Variants in TMEM132D observed in about 807,000 individuals in gnomAD.
The protein encoded by TMEM132D is transmembrane protein 132D.
In TMEM132D, 21 loss-of-function variants were observed where a neutral mutation model predicts 62.3. The ratio of observed to expected loss-of-function variants is 0.34; its 90% confidence interval spans 0.24 to 0.49. The LOEUF (loss-of-function observed/expected upper bound fraction) is 0.49, where lower values mean the gene tolerates loss of function less well. Ranked by LOEUF, TMEM132D falls within the 20% of genes least tolerant of loss-of-function variation. TMEM132D has a pLI of 0.99. For missense variants in TMEM132D, 1,346 were observed against 1,402.8 expected (o/e 0.96, Z 0.65); for synonymous variants, 621 against 575.6 (o/e 1.08, Z -1.13).
chr12:129,325,102 C>A (rs771668766), intron 4 of TMEM132D, among the ~76,000 whole-genome samples: 1 of 152,162 alleles, frequency 6.6e-6, no homozygotes, highest in African/African-American at 2.4e-5. Context: ...CAGTTACAGA[C>A]TTTCAGGCCA....
chr12:129,868,001 G>A (rs1250116070), intron 1 of TMEM132D, among the ~76,000 whole-genome samples: 1 of 152,102 alleles, frequency 6.6e-6, no homozygotes, highest in Non-Finnish European at 1.5e-5. Context: ...ACATGAGGCG[G>A]CGTTTCTATG....
intron 4 of TMEM132D, among the ~76,000 whole-genome samples, chr12:129,265,142 T>A (rs1190672474): frequency 6.6e-6 from 1 of 152,058 alleles, no homozygotes. Flanking sequence ...AGCTGCCAGG[T>A]GGGTCACACA....
rs762347900 is a variant in TMEM132D at position 129,676,291 on chromosome 12, T to TTATC, written c.968+23515_968+23518dup. Among the ~76,000 whole-genome samples the TTATC allele has an allele frequency of 1.2e-3, 181 of 152,346 alleles. 2 individuals carry two copies. The highest frequency in any genetic ancestry group is 4.6e-3 in the Admixed American group (70 of 15,300). The stretch of plus-strand genomic sequence containing the variant: ...TCTGTCAGTCTGTCTGTCTACCTAT[T>TTATC]TATCTATCTATCTATCTAATCTATC... On this transcript the variant is annotated intron_variant, in intron 2 of 8. Coordinates refer to ENST00000422113, the MANE Select transcript of TMEM132D (RefSeq NM_133448.3).
chr12:129,691,614 A>C (rs1367694318), intron 2 of TMEM132D, among the ~76,000 whole-genome samples: 1 of 152,152 alleles, frequency 6.6e-6, no homozygotes, highest in Non-Finnish European at 1.5e-5. Flanking sequence ...TAAGATATTA[A>C]ATTTCAAATG....
chr12:129,337,568 G>C (rs2135657659), intron 4 of TMEM132D, 66 bp downstream of exon 4: 2 of 1,594,844 alleles, frequency 1.3e-6, no homozygotes, highest in South Asian at 1.1e-5. Context: ...CTGGGACTCA[G>C]TGCGGCGCCG....
chr12:129,619,267 T>C (rs1163633118), intron 2 of TMEM132D, among the ~76,000 whole-genome samples: 1 of 152,196 alleles, frequency 6.6e-6, no homozygotes, highest in Admixed American at 6.5e-5. Context: ...CTTCGAATTT[T>C]ATTTTTGGTG....
intron 5 of TMEM132D, among the ~76,000 whole-genome samples, chr12:129,123,399 C>T (rs1021719758): frequency 1.3e-5 from 2 of 151,996 alleles, no homozygotes; most frequent in East Asian, 3.9e-4. Flanking sequence ...TTCTTAGACA[C>T]GTGCCCCCAG....
intron 1 of TMEM132D, among the ~76,000 whole-genome samples, chr12:129,871,348 T>C (rs1874235498): frequency 6.6e-6 from 1 of 151,794 alleles, no homozygotes; most frequent in Admixed American, 6.6e-5. Context: ...TGCCCAAGAG[T>C]GAAATCAACA....
chr12:129,200,694 A>T (rs2054813), intron 5 of TMEM132D, among the ~76,000 whole-genome samples: 31,266 of 152,232 alleles, frequency 0.21, 3,770 homozygotes, highest in East Asian at 0.51. Context: ...GCTGGATTGC[A>T]GAAAGAGAAC....
chr12:129,409,173 T>C lies in TMEM132D; in HGVS notation c.1116-71356A>G, dbSNP rs529004866. On this transcript the variant is annotated intron_variant, in intron 3 of 8. Coordinates refer to ENST00000422113, the MANE Select transcript of TMEM132D (RefSeq NM_133448.3). ...GGCTTGAACTCCTGACCTCAGGTGA[T>C]CCACCTGCCTCAGCCTCCCAAAGTG... Among the ~76,000 whole-genome samples, 1,147 of 152,264 alleles carry C rather than the reference T, an allele frequency of 7.5e-3. 18 individuals are homozygous for C. Among genetic ancestry groups the C allele is most frequent in the African/African-American group, 0.025 (1,039 of 41,554 alleles).
intron 2 of TMEM132D, among the ~76,000 whole-genome samples, chr12:129,689,986 TA>T (rs1450592769): frequency 6.6e-6 from 1 of 152,172 alleles, no homozygotes; most frequent in Non-Finnish European, 1.5e-5. Flanking sequence ...TAAATGACGG[TA>T]AAATAATTTT....
intron 3 of TMEM132D, among the ~76,000 whole-genome samples, chr12:129,506,143 G>T (rs1875322937): frequency 6.6e-6 from 1 of 152,098 alleles, no homozygotes; most frequent in Non-Finnish European, 1.5e-5. Flanking sequence ...CTTTAAAGAG[G>T]TTCTGTTTTG....
At chr12:129,436,742 C>T (rs1872797034) in intron 3 of TMEM132D, among the ~76,000 whole-genome samples, 1 of 151,966 alleles carries the variant, frequency 6.6e-6, no homozygotes, top group African/African-American at 2.4e-5. Context: ...TATAGAAAAC[C>T]AAGTGTGTGC....
chr12:129,351,667 A>G (rs1869866359), intron 3 of TMEM132D, among the ~76,000 whole-genome samples: 1 of 152,126 alleles, frequency 6.6e-6, no homozygotes, highest in South Asian at 2.1e-4. Context: ...ACAACTGCCC[A>G]GTTCTTGGAA....
At chr12:129,164,809 A>ACG (rs1877493779) in intron 5 of TMEM132D, among the ~76,000 whole-genome samples, 1 of 151,708 alleles carries the variant, frequency 6.6e-6, no homozygotes, top group East Asian at 1.9e-4. Context: ...CTTGACACAT[A>ACG]GGGATTTTTG....
At chr12:129,143,037 G>T (rs1876790006) in intron 5 of TMEM132D, among the ~76,000 whole-genome samples, 1 of 152,014 alleles carries the variant, frequency 6.6e-6, no homozygotes. Context: ...CCAAGCAGCA[G>T]ACACCAGCAG....
At chr12:129,102,876 C>T (rs1187831158) in intron 5 of TMEM132D, among the ~76,000 whole-genome samples, 1 of 152,186 alleles carries the variant, frequency 6.6e-6, no homozygotes, top group East Asian at 1.9e-4. Flanking sequence ...AGAATCCAGG[C>T]TATGCTCTTG....
At chr12:129,080,381 A>G (rs1425480465) in intron 7 of TMEM132D, among the ~76,000 whole-genome samples, 1 of 152,178 alleles carries the variant, frequency 6.6e-6, no homozygotes, top group Non-Finnish European at 1.5e-5. Context: ...TCTGTCTTTC[A>G]GCACACACCC....
intron 2 of TMEM132D, among the ~76,000 whole-genome samples, chr12:129,628,968 C>A (rs1223438211): frequency 6.6e-6 from 1 of 151,444 alleles, no homozygotes; most frequent in East Asian, 1.9e-4. Flanking sequence ...GTCTTTTTCT[C>A]TGTTTCTCAT....
Sources: allele counts gnomAD v4.1 joint callset (sites outside exome capture counted in the v4.1 genomes callset), GRCh38; gene constraint gnomAD v4.1.1; transcripts MANE v1.5; gene names NCBI Gene and HGNC (gene_info 2026-07-23, HGNC 2026-07-21).